Variants in SCNN1A observed in about 807,000 individuals in gnomAD.
SCNN1A encodes the protein sodium channel epithelial 1 subunit alpha.
A neutral mutation model predicts 68.6 loss-of-function variants in SCNN1A; 65 were observed. The ratio of observed to expected loss-of-function variants is 0.95; its 90% CI spans 0.78 to 1.16. The LOEUF (loss-of-function observed/expected upper bound fraction) is 1.16. SCNN1A is among the 50% of genes most tolerant of loss of function. SCNN1A has a pLI of 0.00. For synonymous variants in SCNN1A, 357 were observed against 353.3 expected (o/e 1.01, Z -0.12); for missense variants, 880 against 865.9 (o/e 1.02, Z -0.20).
chr12:6,372,546 GGACT>G lies in SCNN1A; in HGVS notation c.416+1818_416+1821del, dbSNP rs1948811783. The stretch of plus-strand genomic sequence containing the variant: ...GGCTTCCTTTCCCCGGCTTTTTCCT[GGACT>G]GTCTAGGGCCCCGCATCCAGCAGAA... On this transcript the variant is annotated intron_variant, in intron 2 of 12. Transcript: ENST00000228916. This position sits in a 1 kb window ranked among gnomAD's most constrained non-coding sequence, Gnocchi z 5.8. 1.3e-5 allele frequency among the ~76,000 whole-genome samples: 2 copies of G among 152,130 alleles called. No homozygotes were observed. Among genetic ancestry groups the G allele is most frequent in the African/African-American group, 4.8e-5 (2 of 41,416 alleles).
At chr12:6,368,876 T>C (rs1009958649) in intron 2 of SCNN1A, among the ~76,000 whole-genome samples, 2 of 152,264 alleles carry the variant, frequency 1.3e-5, no homozygotes, top group African/African-American at 2.4e-5. Context: ...GAGTTCCTTA[T>C]CTGTAAAATG....
At chr12:6,355,519 G>A in intron 5 of SCNN1A, 84 bp from the exon 6 acceptor site, 1 of 1,498,950 alleles carries the variant, frequency 6.7e-7, no homozygotes, top group Non-Finnish European at 9.1e-7. Context: ...TCCCTTCCTT[G>A]CCCAGTCTCT....
chr12:6,354,533 T>A lies in SCNN1A; in HGVS notation c.1265A>T (p.Gln422Leu). ...TQQVCIHSCF[Q>L]ESMIKECGCA... ...GCCACACTCCTTGATCATGCTCTCC[T>A]GGAAGCAGGAGTGAATACACACCTG... The change falls in exon 8 of 13, where the codon CAG (glutamine) becomes CTG (leucine). Residue 422 changes from glutamine (Q) to leucine (L), a missense_variant. Around this residue, in one of 3 missense-constraint regions of SCNN1A, gnomAD observed 758 missense variants for 721.8 expected, o/e 1.05. Transcript: ENST00000228916. 1 of 1,613,864 alleles carries A rather than the reference T, an allele frequency of 6.2e-7. No individual in the cohort carries two copies. The highest frequency in any genetic ancestry group is 8.5e-7 in the Non-Finnish European group (1 of 1,179,906).
intron 2 of SCNN1A, among the ~76,000 whole-genome samples, chr12:6,373,637 T>C (rs905904535): frequency 6.6e-6 from 1 of 152,118 alleles, no homozygotes; most frequent in African/African-American, 2.4e-5. Flanking sequence ...AGACCCAACA[T>C]TGGCAAAGAG....
chr12:6,361,875 G>A (rs148922447), intron 4 of SCNN1A, among the ~76,000 whole-genome samples, 176 bp downstream of exon 4: 15 of 152,358 alleles, frequency 9.8e-5, no homozygotes, highest in East Asian at 1.9e-4. Context: ...GCAGGAGTTC[G>A]TAGGGCGCTC....
At chr12:6,350,549 A>G (rs1004926601) in intron 8 of SCNN1A, among the ~76,000 whole-genome samples, 1 of 150,846 alleles carries the variant, frequency 6.6e-6, no homozygotes, top group African/African-American at 2.4e-5. Context: ...TTAAAAAAAG[A>G]CAATAGGCTG....
rs1467197325 is a variant in SCNN1A, at chr12:6,348,820, G to A, written c.1554-18C>T. 3 of 1,612,630 alleles carry A rather than the reference G, an allele frequency of 1.9e-6. No homozygotes were observed. The highest frequency in any genetic ancestry group is 8.5e-7 in the Non-Finnish European group (1 of 1,178,752). ...CTCCATTTCTTAGGTGTGGGGCAGAGGGTGGGAAGAAATGGTAGAGGATGA... is the reference window on the plus strand; with the variant it reads ...CTCCATTTCTTAGGTGTGGGGCAGAAGGTGGGAAGAAATGGTAGAGGATGA... On this transcript the variant is annotated intron_variant, in intron 11 of 12. Transcript: ENST00000228916.
chr12:6,354,017 T>A (rs2136864741), intron 8 of SCNN1A: 1 of 202,342 alleles, frequency 4.9e-6, no homozygotes, highest in East Asian at 1.3e-4. Flanking sequence ...GATCATGAGG[T>A]CAGGAGATTG....
chr12:6,355,647 C>A, intron 5 of SCNN1A, 130 bp downstream of exon 5: 2 of 906,242 alleles, frequency 2.2e-6, no homozygotes, highest in South Asian at 2.6e-5. Flanking sequence ...CTGGAACGGA[C>A]TATGTGGCAC....
intron 8 of SCNN1A, among the ~76,000 whole-genome samples, chr12:6,350,932 T>A (rs1030857536): frequency 3.9e-5 from 6 of 152,210 alleles, no homozygotes; most frequent in African/African-American, 1.4e-4. Flanking sequence ...AAACCTCTTA[T>A]ACTGCTGCTA....
rs72657540 is a variant in SCNN1A, at chr12:6,348,087, C to G, written c.1796G>C (p.Gly599Ala). The G allele has an allele frequency of 6.2e-7, 1 of 1,614,106 alleles. No homozygotes were observed. Among genetic ancestry groups the G allele is most frequent in the South Asian group, 1.1e-5 (1 of 91,082 alleles). Residue 599 changes from glycine (G) to alanine (A), a missense_variant, in exon 13 of 13, where the codon GGC becomes GCC. By Grantham distance (60) the Gly-to-Ala change is moderately conservative. Transcript: ENST00000228916. ...GGAGGCTACCTCCTGAGCACCCCTG[C>G]CCCCTCGGCCTGGAGACCAGTATCG... ...RSRYWSPGRG[G>A]RGAQEVASTL...
At position 6,355,135 on chromosome 12, in the gene SCNN1A, C is replaced by T. The variant is rs1409446375; in HGVS notation, c.1143+137G>A. The T allele has an allele frequency of 1.8e-5, 18 of 1,006,994 alleles. No individual in the cohort carries two copies. The East Asian group carries it at 1.8e-4, about 10-fold the overall frequency. The allele number at this position is 1,006,994 out of a possible 1,614,324, so 62.4% of individuals were successfully genotyped here. On this transcript the variant is annotated intron_variant, in intron 6 of 12. Transcript: ENST00000228916. ...ACTTCCCAGTGCCAGCCCCTCTGCC[C>T]CTCATTCCTGCTCCTGAAGACCTCC...
chr12:6,369,685 T>C (rs1340456607), intron 2 of SCNN1A, among the ~76,000 whole-genome samples: 1 of 151,904 alleles, frequency 6.6e-6, no homozygotes, highest in African/African-American at 2.4e-5. Flanking sequence ...GTATGATAAA[T>C]TAGCCGGGCA....
chr12:6,353,777 G>A (rs1374784997), intron 8 of SCNN1A: 2 of 128,850 alleles, frequency 1.6e-5, no homozygotes, highest in East Asian at 4.8e-4. Flanking sequence ...TTTTAGTAGA[G>A]ACGGGGTTTC....
chr12:6,373,519 G>A (rs1326470698), intron 2 of SCNN1A, among the ~76,000 whole-genome samples: 1 of 152,188 alleles, frequency 6.6e-6, no homozygotes, highest in African/African-American at 2.4e-5. Context: ...GCTTGAAGCA[G>A]GTGTTCCCAA....
At chr12:6,367,927 G>A (rs1948708197) in intron 2 of SCNN1A, among the ~76,000 whole-genome samples, 1 of 152,156 alleles carries the variant, frequency 6.6e-6, no homozygotes, top group Admixed American at 6.6e-5. Flanking sequence ...TACCAGAAAA[G>A]TCTAGCTGGC....
At position 6,347,885 on chromosome 12, in the gene SCNN1A, C is replaced by A. The variant is rs748445983; in HGVS notation, c.1998G>T (p.Leu666=). The change falls in exon 13 of 13, where the codon CTG becomes CTT. Residue 666 remains leucine, a synonymous_variant. Transcript: ENST00000228916. ...CTCTCCTTCCCTCTCAGGGCCCCCC[C>A]AGAGGACAGGTGGAGGAACTGGCCC... The part of the protein sequence containing the change: ...SAGASSSTCP[L]GGP 2.5e-6 allele frequency: 4 copies of A among 1,602,314 alleles called. No homozygotes were observed. Among genetic ancestry groups the A allele is most frequent in the Non-Finnish European group, 3.4e-6 (4 of 1,174,936 alleles).
intron 4 of SCNN1A, among the ~76,000 whole-genome samples, chr12:6,359,349 T>C (rs4764585): frequency 0.66 from 100,887 of 151,952 alleles, 34,471 homozygotes; most frequent in African/African-American, 0.82. Context: ...TGCTAAGGAG[T>C]ACCAACTTGA....
At position 6,375,517 on chromosome 12, in the gene SCNN1A, G is replaced by GCGGCCTGGCTGGGGAGCCCGCCCGCTGGC; in HGVS notation, c.-96_-68dup. ...TCCTCCCCCTCACCTGACAGGTGCAGCGGCCTGGCTGGGGAGCCCGCCCGC... is the reference window on the plus strand; with the variant it reads ...TCCTCCCCCTCACCTGACAGGTGCAGCGGCCTGGCTGGGGAGCCCGCCCGCTGGCCGGCCTGGCTGGGGAGCCCGCCCGC... On this transcript the variant is annotated 5_prime_UTR_variant, in exon 1 of 13. Coordinates refer to ENST00000228916, the MANE Select transcript of SCNN1A (RefSeq NM_001038.6). 1 of 1,535,446 alleles carries GCGGCCTGGCTGGGGAGCCCGCCCGCTGGC rather than the reference G, an allele frequency of 6.5e-7. No individual in the cohort carries two copies. The highest frequency in any genetic ancestry group is 8.7e-7 in the Non-Finnish European group (1 of 1,146,754).
Sources: allele counts gnomAD v4.1 joint callset (sites outside exome capture counted in the v4.1 genomes callset), GRCh38; gene constraint gnomAD v4.1.1; regional missense constraint gnomAD v4.1.1; non-coding constraint Gnocchi (gnomAD v3.1); transcripts MANE v1.5; gene names NCBI Gene and HGNC (gene_info 2026-07-23, HGNC 2026-07-21).